The following TCEA2 variants were observed in gnomAD, a reference collection of about 807,000 sequenced individuals.
TCEA2 encodes transcription elongation factor A protein 2.
TCEA2 carries 21 observed loss-of-function variants against 40.8 expected under a neutral mutation model. That is an observed-to-expected ratio of 0.51 (90% CI 0.36 to 0.74). The LOEUF (loss-of-function observed/expected upper bound fraction) is 0.74, where lower values mean the gene tolerates loss of function less well. Ranked by LOEUF, TCEA2 falls within the 30% of genes least tolerant of loss-of-function variation. TCEA2 has a pLI of 0.00. For synonymous variants in TCEA2, 165 were observed against 162.7 expected, an observed-to-expected ratio of 1.01 and a Z score of -0.11; for missense variants, 326 against 426.5, an observed-to-expected ratio of 0.76 and a Z score of 2.08.
At chr20:64,069,917 C>G in intron 6 of TCEA2, 96 bp downstream of exon 6, 1 of 1,462,942 alleles carries the variant, frequency 6.8e-7, no homozygotes, top group Non-Finnish European at 9.4e-7. Context: ...TGCCACTGCC[C>G]AGCTGTCCAG....
At chr20:64,067,861 A>G (rs1161765322) in intron 3 of TCEA2, among the ~76,000 whole-genome samples, 186 bp from the exon 4 acceptor site, 2 of 152,040 alleles carry the variant, frequency 1.3e-5, no homozygotes, top group African/African-American at 2.4e-5. Flanking sequence ...GGGGAGGGTG[A>G]GGACCTGTTC....
intron 4 of TCEA2, among the ~76,000 whole-genome samples, chr20:64,068,632 G>A (rs1011383222): frequency 6.6e-6 from 1 of 152,268 alleles, no homozygotes; most frequent in Admixed American, 6.5e-5. Flanking sequence ...GGTGCTTATT[G>A]TGGCAGGCTA....
At chr20:64,071,290 G>T (rs1444494873) in intron 8 of TCEA2, among the ~76,000 whole-genome samples, 1 of 152,030 alleles carries the variant, frequency 6.6e-6, no homozygotes, top group Non-Finnish European at 1.5e-5. Flanking sequence ...AGAGGTTGCA[G>T]TGAGTCCAGA....
At chr20:64,068,198 AG>A in intron 4 of TCEA2, 64 bp downstream of exon 4, 3 of 1,427,530 alleles carry the variant, frequency 2.1e-6, no homozygotes, top group Non-Finnish European at 2.9e-6. Context: ...TGCCAGAGAA[AG>A]GGTGCCAGTC....
intron 5 of TCEA2, 117 bp from the exon 6 acceptor site, chr20:64,069,648 G>C: frequency 6.5e-7 from 1 of 1,530,018 alleles, no homozygotes; most frequent in Non-Finnish European, 8.9e-7. Flanking sequence ...TGCCTGGATC[G>C]TGGGCCTCTT....
At chr20:64,067,491 G>GCTGGA (rs67723074) in intron 3 of TCEA2, among the ~76,000 whole-genome samples, 7 of 151,908 alleles carry the variant, frequency 4.6e-5, no homozygotes, top group Non-Finnish European at 1.5e-5. Flanking sequence ...GCTGGGCTGG[G>GCTGGA]CTGGACTGAA....
chr20:64,067,112 G>A, intron 3 of TCEA2, 92 bp downstream of exon 3: 1 of 1,339,220 alleles, frequency 7.5e-7, no homozygotes, highest in South Asian at 1.3e-5. Context: ...TGCTGGCAGT[G>A]TCCACCCTGA....
chr20:64,063,618 C>G (rs2059619485), intron 1 of TCEA2: 1 of 558,780 alleles, frequency 1.8e-6, no homozygotes, highest in East Asian at 3.3e-5. Context: ...AGGCCTGGAC[C>G]TTGTCCCGGG....
chr20:64,065,166 C>T (rs928200029), intron 1 of TCEA2, among the ~76,000 whole-genome samples: 1 of 152,128 alleles, frequency 6.6e-6, no homozygotes, highest in African/African-American at 2.4e-5. Context: ...CCTGAGCCCA[C>T]TGAGAGCCAC....
intron 8 of TCEA2, 135 bp downstream of exon 8, chr20:64,070,770 C>A: frequency 7.9e-7 from 1 of 1,262,544 alleles, no homozygotes; most frequent in Non-Finnish European, 1.1e-6. Flanking sequence ...TAGGCTAAGG[C>A]ATGATGGCCA....
intron 8 of TCEA2, among the ~76,000 whole-genome samples, chr20:64,071,166 G>C (rs1441975052): frequency 6.6e-6 from 1 of 152,126 alleles, no homozygotes; most frequent in Admixed American, 6.5e-5. Flanking sequence ...TGACCAACAT[G>C]GTGAAACCCC....
chr20:64,059,769 T>A (rs1266549289), upstream of TCEA2, among the ~76,000 whole-genome samples: 4 of 152,164 alleles, frequency 2.6e-5, no homozygotes, highest in African/African-American at 9.7e-5. Context: ...AACATTCAGA[T>A]GAACCAGATA....
upstream of TCEA2, among the ~76,000 whole-genome samples, chr20:64,061,657 C>T (rs1363902102): frequency 2.0e-5 from 3 of 152,088 alleles, no homozygotes; most frequent in Non-Finnish European, 4.4e-5. Flanking sequence ...ATAATCCGCC[C>T]ACCTCAGCCT....
At position 64,069,825 on chromosome 20, in the gene TCEA2, T is replaced by A; in HGVS notation, c.517+4T>A. 6.2e-7 allele frequency: 1 copy of A among 1,613,432 alleles called. No individual in the cohort carries two copies. The highest frequency in any genetic ancestry group is 8.5e-7 in the Non-Finnish European group (1 of 1,179,982). The stretch of plus-strand genomic sequence containing the variant: ...CTGTCGGCTCAGATCGAGGAATATA[T>A]CCTTTGGGTAGGGGCTGTGGGCCTG... On this transcript the variant is annotated splice_donor_region_variant and intron_variant, in intron 6 of 9. Transcript: ENST00000343484.
upstream of TCEA2, among the ~76,000 whole-genome samples, chr20:64,055,810 A>G (rs1471205943): frequency 6.6e-6 from 1 of 151,974 alleles, no homozygotes; most frequent in Non-Finnish European, 1.5e-5. This position sits in a 1 kb window ranked among gnomAD's most constrained non-coding sequence, Gnocchi z 4.0. Context: ...AGCCTGGCCA[A>G]GGTTTGCTCT....
At chr20:64,063,002 T>G (rs900972883), upstream of TCEA2, 5 of 200,284 alleles carry the variant, frequency 2.5e-5, no homozygotes, top group Non-Finnish European at 4.0e-5. Context: ...TCGCGGGGTA[T>G]TGTGGGATCA....
Position 64,068,550 on chromosome 20 carries a change from C to G in TCEA2, c.329+416C>G, listed in dbSNP as rs1452555915. 2.0e-5 allele frequency among the ~76,000 whole-genome samples: 3 copies of G among 152,252 alleles called. No homozygotes were observed. In the East Asian group the frequency reaches 5.8e-4, roughly 29 times the overall value. On this transcript the variant is annotated intron_variant, in intron 4 of 9. Transcript: ENST00000343484. The stretch of plus-strand genomic sequence containing the variant: ...AGGCGGGGGCCAACTCCCCTCCTGC[C>G]CTGCATGTGCACGTGTGGTCACTGC...
upstream of TCEA2, among the ~76,000 whole-genome samples, chr20:64,056,087 C>T (rs531026618): frequency 2.6e-4 from 40 of 152,172 alleles, no homozygotes; most frequent in African/African-American, 8.9e-4. Context: ...GAGCAGGCCG[C>T]CAGGGCCGCC....
In TCEA2 at chr20:64,071,729, A is replaced by G. The variant is rs114540964; in HGVS notation, c.820-141A>G. Reference sequence around the variant, plus strand: ...CCTCCCCCGGAGGCTCAGCTTTGGAAGGTTGGAGTCACGAGGCGGCCTCGG... The same window carrying G: ...CCTCCCCCGGAGGCTCAGCTTTGGAGGGTTGGAGTCACGAGGCGGCCTCGG... On this transcript the variant is annotated intron_variant, in intron 8 of 9. Coordinates refer to ENST00000343484, the MANE Select transcript of TCEA2 (RefSeq NM_003195.6). The G allele has an allele frequency of 3.0e-3, 2,682 of 881,190 alleles. 40 individuals are homozygous for G. The African/African-American group carries it at 0.04, about 13-fold the overall frequency. The allele number at this position is 881,190 out of a possible 1,614,324, so 54.6% of individuals were successfully genotyped here. A position where few individuals can be genotyped will look rare whatever the true frequency, so the allele number is the denominator to read the frequency against.
Sources: gnomAD v4.1 joint callset for allele counts (sites outside exome capture counted in the v4.1 genomes callset) on GRCh38, gnomAD v4.1.1 for gene constraint, Gnocchi (gnomAD v3.1) non-coding constraint, MANE v1.5 for transcripts, NCBI Gene and HGNC (gene_info 2026-07-23, HGNC 2026-07-21) for gene names.